Variants in EYS observed in about 807,000 individuals in gnomAD.
The protein encoded by EYS is EGF-like photoreceptor maintenance factor.
In EYS, 250 loss-of-function variants were observed where a neutral mutation model predicts 282.1. That is an observed-to-expected ratio of 0.89 (90% CI 0.80 to 0.98). EYS has a LOEUF of 0.98. Ranked by LOEUF, EYS falls within the 50% of genes least tolerant of loss-of-function variation. The pLI is 0.00. For missense variants in EYS, 4,016 were observed against 3,709.0 expected (o/e 1.08, Z -2.15); for synonymous variants, 1,355 against 1,282.9 (o/e 1.06, Z -1.20).
intron 2 of EYS, among the ~76,000 whole-genome samples, chr6:65,564,306 A>G (rs542964117): frequency 0.014 from 2,134 of 152,286 alleles, 21 homozygotes; most frequent in Non-Finnish European, 0.021. Context: ...AAAAGAGCCC[A>G]TATAGCCAAG....
chr6:65,036,173 C>T (rs112617490), intron 13 of EYS, among the ~76,000 whole-genome samples: 17 of 151,386 alleles, frequency 1.1e-4, no homozygotes, highest in Middle Eastern at 3.4e-3. Context: ...AGAAATAGAG[C>T]GGCACACCTA....
intron 31 of EYS, among the ~76,000 whole-genome samples, chr6:64,191,823 T>G (rs1186908857): frequency 5.9e-5 from 9 of 151,490 alleles, no homozygotes; most frequent in East Asian, 3.9e-4. Flanking sequence ...GCATGATTTA[T>G]AGTCCTTTGG....
chr6:63,908,968 AT>A (rs76617807), intron 35 of EYS, among the ~76,000 whole-genome samples: 9,582 of 148,578 alleles, frequency 0.064, 318 homozygotes, highest in African/African-American at 0.076. Context: ...ATTGAAGGCT[AT>A]TTTTTTTTTA....
intron 1 of EYS, among the ~76,000 whole-genome samples, chr6:65,688,751 C>T (rs1769125385): frequency 6.6e-6 from 1 of 152,102 alleles, no homozygotes; most frequent in Admixed American, 6.6e-5. Context: ...GACATTTAAG[C>T]AGCCAAAAGA....
chr6:64,035,665 A>T (rs928587106), intron 33 of EYS, among the ~76,000 whole-genome samples: 1 of 152,222 alleles, frequency 6.6e-6, no homozygotes, highest in African/African-American at 2.4e-5. Context: ...CAAAGTAATG[A>T]CAGTAAGAGG....
At chr6:65,382,402 T>C (rs1765647933) in intron 8 of EYS, among the ~76,000 whole-genome samples, 2 of 141,106 alleles carry the variant, frequency 1.4e-5, no homozygotes, top group South Asian at 2.2e-4. Context: ...TTAGTGTTTC[T>C]GAGGGAATTC....
intron 28 of EYS, among the ~76,000 whole-genome samples, chr6:64,427,922 A>T (rs1774458743): frequency 6.6e-6 from 1 of 152,146 alleles, no homozygotes. Context: ...AATGTTTCTC[A>T]AAAGTGAGTT....
At chr6:64,783,471 A>T (rs1436112671) in intron 22 of EYS, among the ~76,000 whole-genome samples, 1 of 151,670 alleles carries the variant, frequency 6.6e-6, no homozygotes, top group Non-Finnish European at 1.5e-5. Context: ...CAATCAATTT[A>T]TATCTTCATT....
rs1363911182 is a variant in EYS at position 64,222,673 on chromosome 6, C to A, written c.6424+7919G>T. 2.0e-5 allele frequency among the ~76,000 whole-genome samples: 3 copies of A among 152,026 alleles called. No individual in the cohort carries two copies. In the East Asian group the frequency reaches 5.8e-4, roughly 29 times the overall value. On this transcript the variant is annotated intron_variant, in intron 31 of 42. Transcript: ENST00000503581. Reference sequence around the variant, plus strand: ...AATGACATTGAGATTCTCAACTAAACCCTATTAATTTAGTTATCTGAAAAT... The same window carrying A: ...AATGACATTGAGATTCTCAACTAAAACCTATTAATTTAGTTATCTGAAAAT...
At chr6:65,192,864 G>T (rs527689448) in intron 12 of EYS, among the ~76,000 whole-genome samples, 1 of 151,940 alleles carries the variant, frequency 6.6e-6, no homozygotes, top group South Asian at 2.1e-4. Flanking sequence ...TAATGATCAA[G>T]TGAAGGTACT....
At chr6:64,177,743 T>A (rs1391838438) in intron 31 of EYS, among the ~76,000 whole-genome samples, 1 of 152,150 alleles carries the variant, frequency 6.6e-6, no homozygotes, top group African/African-American at 2.4e-5. Context: ...CTTTGTTTTT[T>A]TTCTCTCGGG....
intron 19 of EYS, among the ~76,000 whole-genome samples, chr6:64,861,689 C>T (rs1766243825): frequency 6.6e-6 from 1 of 152,188 alleles, no homozygotes; most frequent in African/African-American, 2.4e-5. Flanking sequence ...AAGGGATTTT[C>T]TGAACCTTAT....
chr6:64,047,630 G>A (rs894098165), intron 33 of EYS, among the ~76,000 whole-genome samples: 4 of 152,178 alleles, frequency 2.6e-5, no homozygotes, highest in African/African-American at 7.2e-5. Flanking sequence ...ATATTCAGAA[G>A]AGTGTTTGTC....
At chr6:64,404,369 T>C (rs925025381) in intron 28 of EYS, among the ~76,000 whole-genome samples, 10 of 125,736 alleles carry the variant, frequency 8.0e-5, no homozygotes, top group African/African-American at 1.5e-4. Flanking sequence ...AATTGTAATA[T>C]AGAGTGTGAG....
At chr6:65,651,966 T>C (rs1767664083) in intron 1 of EYS, among the ~76,000 whole-genome samples, 2 of 151,774 alleles carry the variant, frequency 1.3e-5, no homozygotes, top group Non-Finnish European at 2.9e-5. Context: ...AAAAGATTCT[T>C]TTTTTTTACA....
rs532109054 is a variant in EYS, at chr6:65,126,097, T to C, written c.2024-68370A>G. ...CTAGTGAGACACCAACAAGTCAGGG[T>C]TTTGTTTCTTTTTGTTGTTTGTTTT... On this transcript the variant is annotated intron_variant, in intron 12 of 42. Coordinates refer to ENST00000503581, the MANE Select transcript of EYS (RefSeq NM_001142800.2). Among the ~76,000 whole-genome samples the C allele has an allele frequency of 2.6e-5, 4 of 152,188 alleles. No individual in the cohort carries two copies. The South Asian group carries it at 8.3e-4, about 32-fold the overall frequency.
At chr6:65,702,461 G>A (rs1444490737) in intron 1 of EYS, among the ~76,000 whole-genome samples, 4 of 152,168 alleles carry the variant, frequency 2.6e-5, no homozygotes, top group African/African-American at 9.6e-5. Flanking sequence ...GGGGACCCAG[G>A]TGAGTAAATT....
chr6:63,858,224 G>A (rs1772442577), intron 36 of EYS, among the ~76,000 whole-genome samples: 1 of 152,124 alleles, frequency 6.6e-6, no homozygotes, highest in Non-Finnish European at 1.5e-5. Flanking sequence ...GATCTGATAT[G>A]TTGTATTGAA....
At chr6:64,789,421 T>G (rs1282692883) in intron 22 of EYS, among the ~76,000 whole-genome samples, 1 of 152,086 alleles carries the variant, frequency 6.6e-6, no homozygotes, top group Non-Finnish European at 1.5e-5. Context: ...TACACACACA[T>G]GCTAACATGC....
Sources: allele counts gnomAD v4.1 joint callset (sites outside exome capture counted in the v4.1 genomes callset), GRCh38; gene constraint gnomAD v4.1.1; transcripts MANE v1.5; gene names NCBI Gene and HGNC (gene_info 2026-07-23, HGNC 2026-07-21).